TNFRSF10D: variants seen among roughly 807,000 people sequenced by gnomAD.
The protein encoded by TNFRSF10D is tumor necrosis factor receptor superfamily member 10D.
TNFRSF10D carries 28 observed loss-of-function variants against 42.1 expected under a neutral mutation model. The observed-to-expected ratio is 0.66, with a 90% confidence interval of 0.49 to 0.91. The LOEUF is 0.91. Ranked by LOEUF, TNFRSF10D falls within the 40% of genes least tolerant of loss-of-function variation. TNFRSF10D has a pLI of 0.00. For missense variants in TNFRSF10D, 503 were observed against 486.1 expected, an observed-to-expected ratio of 1.03 and a Z score of -0.33; for synonymous variants, 186 against 189.4, an observed-to-expected ratio of 0.98 and a Z score of 0.15.
At position 23,145,851 on chromosome 8, in the gene TNFRSF10D, C is replaced by G; in HGVS notation, c.553G>C (p.Ala185Pro). Residue 185 changes from alanine (A) to proline (P), a missense_variant, in exon 5 of 9, where the codon GCT becomes CCT. Transcript: ENST00000312584. Reference sequence around the variant, plus strand: ...GGGGTTTTCCCAGTGGAACTGGCAGCTGATTCATTTTTGCACTTGATGTCA... The same window carrying G: ...GGGGTTTTCCCAGTGGAACTGGCAGGTGATTCATTTTTGCACTTGATGTCA... ...RSDIKCKNES[A>P]ASSTGKTPAA... The G allele has an allele frequency of 6.2e-7, 1 of 1,614,016 alleles. No homozygotes were observed.
At chr8:23,140,243 C>G (rs376967770) in intron 7 of TNFRSF10D, among the ~76,000 whole-genome samples, 1 of 152,008 alleles carries the variant, frequency 6.6e-6, no homozygotes, top group African/African-American at 2.4e-5. Flanking sequence ...GAGCTGAGAT[C>G]GCGCCACTGC....
chr8:23,154,732 T>C (rs1421810417), intron 2 of TNFRSF10D, 142 bp downstream of exon 2: 3 of 956,974 alleles, frequency 3.1e-6, no homozygotes, highest in African/African-American at 3.3e-5. Flanking sequence ...TTACAACAAA[T>C]ACACGATAAG....
rs1181500521 is a variant in TNFRSF10D, at chr8:23,137,995, A to G, written c.1036T>C (p.Leu346=). The change falls in exon 9 of 9, where the codon TTG becomes CTG. Residue 346 remains leucine (L), a synonymous_variant. Coordinates refer to ENST00000312584, the MANE Select transcript of TNFRSF10D (RefSeq NM_003840.5). ...NDADSADIST[L]LDASATLEEG... ...TCCAGTGTTGCCGAGGCATCCAGCA[A>G]GGTGCTGACTGAGAAGAGAGAAGAG... is the stretch of plus-strand genomic sequence containing the variant. 5 of 1,614,070 alleles carry G rather than the reference A, an allele frequency of 3.1e-6. No individual in the cohort carries two copies. Among genetic ancestry groups the G allele is most frequent in the African/African-American group, 1.3e-5 (1 of 74,940 alleles).
At position 23,163,956 on chromosome 8, in the gene TNFRSF10D, C is replaced by T. The variant is rs747555114; in HGVS notation, c.-21G>A. The T allele has an allele frequency of 2.0e-6, 3 of 1,531,362 alleles. No individual in the cohort carries two copies. The highest frequency in any genetic ancestry group is 1.7e-6 in the Non-Finnish European group (2 of 1,144,436). 94.9% of individuals were successfully genotyped at this position (1,531,362 alleles called of 1,614,324 possible). A position where few individuals can be genotyped will look rare whatever the true frequency, so the allele number is the denominator to read the frequency against. ...CCCATGAGAAGGGAGGAGGGTGGAT[C>T]GAAAGCGCCAAAAATCAATCAGAAA... On this transcript the variant is annotated 5_prime_UTR_variant, in exon 1 of 9. Transcript: ENST00000312584.
At chr8:23,149,016 C>T (rs951636341) in intron 2 of TNFRSF10D, among the ~76,000 whole-genome samples, 2 of 151,194 alleles carry the variant, frequency 1.3e-5, no homozygotes, top group Non-Finnish European at 2.9e-5. Flanking sequence ...CAGTGAAACC[C>T]CATCTCTACT....
At chr8:23,159,008 C>T (rs973780545) in intron 1 of TNFRSF10D, among the ~76,000 whole-genome samples, 7 of 152,128 alleles carry the variant, frequency 4.6e-5, no homozygotes, top group African/African-American at 1.2e-4. Flanking sequence ...TGCTTTTTAT[C>T]ACAATAGATT....
intron 7 of TNFRSF10D, among the ~76,000 whole-genome samples, chr8:23,140,250 C>G (rs1814435712): frequency 6.6e-6 from 1 of 152,072 alleles, no homozygotes. Context: ...GATCGCGCCA[C>G]TGCACTCCAG....
In TNFRSF10D at chr8:23,154,940, C is replaced by T; in HGVS notation, c.190G>A (p.Val64Ile). The T allele has an allele frequency of 6.2e-7, 1 of 1,613,646 alleles. No individual in the cohort carries two copies. Among genetic ancestry groups the T allele is most frequent in the East Asian group, 2.2e-5 (1 of 44,850 alleles). Reference sequence around the variant, plus strand: ...TGTGGGGCCACTGTCTGCTGGGGAACTTCGTCCTGCCGGGGGATGGTGGCA... The same window carrying T: ...TGTGGGGCCACTGTCTGCTGGGGAATTTCGTCCTGCCGGGGGATGGTGGCA... ...DSATIPRQDEVPQQTVAPQQQ... is the reference protein window; with the variant it reads ...DSATIPRQDEIPQQTVAPQQQ... Residue 64 changes from valine (V) to isoleucine (I), a missense_variant, in exon 2 of 9, where the codon GTT becomes ATT. Transcript: ENST00000312584.
At chr8:23,161,932 C>T (rs1038289215) in intron 1 of TNFRSF10D, among the ~76,000 whole-genome samples, 5 of 152,140 alleles carry the variant, frequency 3.3e-5, no homozygotes, top group African/African-American at 1.2e-4. Flanking sequence ...GACATGTGGA[C>T]ACACGATACA....
At chr8:23,147,290 T>A (rs992937844) in intron 3 of TNFRSF10D, among the ~76,000 whole-genome samples, 4 of 151,936 alleles carry the variant, frequency 2.6e-5, no homozygotes, top group African/African-American at 9.7e-5. Context: ...TTATATCAGG[T>A]TAGGGGAAAA....
At position 23,136,850 on chromosome 8, in the gene TNFRSF10D, G is replaced by A. The variant is rs1012222211; in HGVS notation, c.*1020C>T. 2 of 151,698 alleles carry A rather than the reference G, an allele frequency of 1.3e-5. No individual in the cohort carries two copies. Among genetic ancestry groups the A allele is most frequent in the Non-Finnish European group, 2.9e-5 (2 of 67,932 alleles). The allele number at this position is 151,698 out of a possible 1,614,324, so 9.4% of individuals were successfully genotyped here. ...ATATACCTCTAAAATTAACAAGTAA[G>A]ACAAGCTGCCCCTTGAGAAGCTGCC... On this transcript the variant is annotated 3_prime_UTR_variant, in exon 9 of 9. Coordinates refer to ENST00000312584, the MANE Select transcript of TNFRSF10D (RefSeq NM_003840.5).
At chr8:23,160,003 C>T (rs1691865408) in intron 1 of TNFRSF10D, among the ~76,000 whole-genome samples, 1 of 151,980 alleles carries the variant, frequency 6.6e-6, no homozygotes, top group Non-Finnish European at 1.5e-5. Flanking sequence ...TCTAACCAAA[C>T]ACCATCCTCC....
rs1199876736 is a variant in TNFRSF10D at position 23,145,691 on chromosome 8, G to C, written c.713C>G (p.Ser238Cys). The C allele has an allele frequency of 6.2e-7, 1 of 1,614,134 alleles. No individual in the cohort carries two copies. ...VGFSCRKKFISYLKGICSGGG... is the reference protein window; with the variant it reads ...VGFSCRKKFICYLKGICSGGG... ...ACCTGAGCAGATGCCTTTGAGGTAA[G>C]AAATGAATTTCTTCCGACATGAAAA... The change falls in exon 5 of 9, where the codon TCT becomes TGT. Residue 238 changes from serine (S) to cysteine (C), a missense_variant. Coordinates refer to ENST00000312584, the MANE Select transcript of TNFRSF10D (RefSeq NM_003840.5).
chr8:23,154,590 G>T (rs1424175729), intron 2 of TNFRSF10D, among the ~76,000 whole-genome samples: 388 of 150,856 alleles, frequency 2.6e-3, no homozygotes, highest in African/African-American at 8.2e-3. Context: ...ATCTGTGTTG[G>T]TTGCAACCAC....
At chr8:23,153,575 A>C (rs1800236069) in intron 2 of TNFRSF10D, among the ~76,000 whole-genome samples, 1 of 152,238 alleles carries the variant, frequency 6.6e-6, no homozygotes, top group Non-Finnish European at 1.5e-5. Context: ...CTGAAGAGAC[A>C]CTTCTAAAAA....
At chr8:23,140,090 C>T (rs567018403) in intron 7 of TNFRSF10D, among the ~76,000 whole-genome samples, 21 of 152,238 alleles carry the variant, frequency 1.4e-4, no homozygotes, top group African/African-American at 5.1e-4. Flanking sequence ...GAGATCGAGA[C>T]CATCCTGGCT....
At chr8:23,144,298 C>T in intron 7 of TNFRSF10D, 152 bp downstream of exon 7, 1 of 826,886 alleles carries the variant, frequency 1.2e-6, no homozygotes, top group Non-Finnish European at 1.8e-6. Context: ...GTCACCACCT[C>T]AGTGCAGCTG....
intron 1 of TNFRSF10D, among the ~76,000 whole-genome samples, chr8:23,155,294 G>A (rs1253794283): frequency 6.7e-6 from 1 of 149,196 alleles, no homozygotes; most frequent in Middle Eastern, 3.4e-3. Context: ...AGAATGCAGT[G>A]TCTATTCACA....
rs767319428 is a variant in TNFRSF10D, at chr8:23,137,669, G to A, written c.*201C>T. On this transcript the variant is annotated 3_prime_UTR_variant, in exon 9 of 9. Coordinates refer to ENST00000312584, the MANE Select transcript of TNFRSF10D (RefSeq NM_003840.5). Reference sequence around the variant, plus strand: ...CAAGAATCTGATATAAATTTCTCCCGTTTGCTTATCACACGCAGTATTTCA... The same window carrying A: ...CAAGAATCTGATATAAATTTCTCCCATTTGCTTATCACACGCAGTATTTCA... The A allele has an allele frequency of 9.7e-5, 57 of 585,002 alleles. No homozygotes were observed. The highest frequency in any genetic ancestry group is 1.5e-4 in the Non-Finnish European group (54 of 356,424). The allele number at this position is 585,002 out of a possible 1,614,324, so 36.2% of individuals were successfully genotyped here.
Sources: gnomAD v4.1 joint callset for allele counts (sites outside exome capture counted in the v4.1 genomes callset) on GRCh38, gnomAD v4.1.1 for gene constraint, MANE v1.5 for transcripts, NCBI Gene and HGNC (gene_info 2026-07-23, HGNC 2026-07-21) for gene names.